The following EPB41L4A variants were observed in gnomAD, a reference collection of about 807,000 sequenced individuals.
The protein encoded by EPB41L4A is band 4.1-like protein 4A.
Under a neutral mutation model 108.6 loss-of-function variants are expected in EPB41L4A, and 100 were observed. The ratio of observed to expected loss-of-function variants is 0.92; its 90% CI spans 0.78 to 1.09. The LOEUF is 1.09. Among genes scored for constraint, EPB41L4A ranks in the 50% least tolerant of loss-of-function variants. The pLI, the probability that EPB41L4A is intolerant of heterozygous loss-of-function variation, is 0.00. For synonymous variants in EPB41L4A, 319 were observed against 289.0 expected, an observed-to-expected ratio of 1.10 and a Z score of -1.05; for missense variants, 1,030 against 842.7, an observed-to-expected ratio of 1.22 and a Z score of -2.75.
In EPB41L4A at chr5:112,201,834, T is replaced by A. The variant is rs17134239; in HGVS notation, c.1376+2541A>T. On this transcript the variant is annotated intron_variant, in intron 15 of 22. Transcript: ENST00000261486. ...AATGAGGGCTATCACTATCTCCACCTTTTTCAGATGTACAGGCTGGGATTC... is the reference window on the plus strand; with the variant it reads ...AATGAGGGCTATCACTATCTCCACCATTTTCAGATGTACAGGCTGGGATTC... Among the ~76,000 whole-genome samples, 611 of 152,268 alleles carry A rather than the reference T, an allele frequency of 4.0e-3. 8 individuals are homozygous for A. The highest frequency in any genetic ancestry group is 0.014 in the African/African-American group (593 of 41,556).
intron 1 of EPB41L4A, among the ~76,000 whole-genome samples, chr5:112,416,122 A>AT (rs1344676530): frequency 6.6e-6 from 1 of 151,730 alleles, no homozygotes; most frequent in African/African-American, 2.4e-5. Flanking sequence ...TGACACATTA[A>AT]TTTTTTTTCT....
At chr5:112,195,131 G>A (rs1012789936) in intron 16 of EPB41L4A, among the ~76,000 whole-genome samples, 3 of 152,050 alleles carry the variant, frequency 2.0e-5, no homozygotes. Flanking sequence ...CCCCTTAACC[G>A]ACTGGTAGCT....
At chr5:112,343,097 T>C (rs1757420017) in intron 1 of EPB41L4A, among the ~76,000 whole-genome samples, 1 of 152,230 alleles carries the variant, frequency 6.6e-6, no homozygotes, top group South Asian at 2.1e-4. Context: ...GACAGTTGGC[T>C]TTACAGAGAG....
At chr5:112,328,459 T>C (rs1203393989) in intron 1 of EPB41L4A, among the ~76,000 whole-genome samples, 1 of 152,222 alleles carries the variant, frequency 6.6e-6, no homozygotes, top group Non-Finnish European at 1.5e-5. Context: ...TTTCCATGGT[T>C]ATATCTAAAC....
At position 112,196,123 on chromosome 5, in the gene EPB41L4A, C is replaced by T. The variant is rs116527831; in HGVS notation, c.1377-415G>A. Among the ~76,000 whole-genome samples the T allele has an allele frequency of 4.8e-3, 731 of 152,240 alleles. 4 individuals carry two copies. The highest frequency in any genetic ancestry group is 5.8e-3 in the Non-Finnish European group (396 of 68,018). ...CTTCAACTCAGCAACCTACCTCATA[C>T]TTACGACTTTATCATCTGTAACCAC... On this transcript the variant is annotated intron_variant, in intron 15 of 22. Coordinates refer to ENST00000261486, the MANE Select transcript of EPB41L4A (RefSeq NM_022140.5).
chr5:112,386,791 G>C (rs567753163), intron 1 of EPB41L4A, among the ~76,000 whole-genome samples: 1 of 152,310 alleles, frequency 6.6e-6, no homozygotes, highest in African/African-American at 2.4e-5. Flanking sequence ...GACACTGGAA[G>C]ACTGAATAGA....
intron 1 of EPB41L4A, among the ~76,000 whole-genome samples, chr5:112,384,233 G>T (rs1383053253): frequency 2.0e-5 from 3 of 152,218 alleles, no homozygotes; most frequent in Non-Finnish European, 4.4e-5. Context: ...TACACCTTCA[G>T]TGGGTAGACT....
At chr5:112,391,573 G>C (rs529284098) in intron 1 of EPB41L4A, among the ~76,000 whole-genome samples, 1 of 152,118 alleles carries the variant, frequency 6.6e-6, no homozygotes, top group Admixed American at 6.6e-5. Flanking sequence ...AAGAAATATG[G>C]GACTATGTGA....
At chr5:112,374,147 T>A (rs1401756292) in intron 1 of EPB41L4A, among the ~76,000 whole-genome samples, 1 of 152,116 alleles carries the variant, frequency 6.6e-6, no homozygotes, top group Non-Finnish European at 1.5e-5. Flanking sequence ...GTCAGAGGCA[T>A]CCCCATGGAA....
At chr5:112,323,021 T>A (rs183875692) in intron 1 of EPB41L4A, among the ~76,000 whole-genome samples, 203 of 132,042 alleles carry the variant, frequency 1.5e-3, no homozygotes, top group African/African-American at 5.2e-3. Flanking sequence ...ATTTCTGAAA[T>A]TAAAGTTTCA....
chr5:112,380,140 G>A (rs1760071306), intron 1 of EPB41L4A, among the ~76,000 whole-genome samples: 1 of 152,124 alleles, frequency 6.6e-6, no homozygotes, highest in South Asian at 2.1e-4. Context: ...CTGCAGGAGT[G>A]AGGGACCACA....
At chr5:112,254,181 A>G (rs1403602054) in intron 9 of EPB41L4A, among the ~76,000 whole-genome samples, 11 of 152,158 alleles carry the variant, frequency 7.2e-5, no homozygotes, top group Non-Finnish European at 1.2e-4. Flanking sequence ...ACTACATGCC[A>G]ATTTCTGGGC....
chr5:112,383,607 A>ATTGT (rs1760306970), intron 1 of EPB41L4A, among the ~76,000 whole-genome samples: 1 of 152,224 alleles, frequency 6.6e-6, no homozygotes, highest in Admixed American at 6.5e-5. Context: ...ACACAAGGGA[A>ATTGT]CTACTAATAA....
chr5:112,309,048 C>T (rs181510808), intron 1 of EPB41L4A, among the ~76,000 whole-genome samples: 17 of 152,262 alleles, frequency 1.1e-4, no homozygotes, highest in African/African-American at 3.6e-4. Flanking sequence ...CTCCTAAGTA[C>T]TTCTAAATAC....
intron 12 of EPB41L4A, among the ~76,000 whole-genome samples, chr5:112,212,536 C>T (rs1174778320): frequency 6.6e-6 from 1 of 152,156 alleles, no homozygotes; most frequent in African/African-American, 2.4e-5. Context: ...CTCAAGTGAT[C>T]CACCCACCTT....
At chr5:112,251,975 A>G (rs2150411925) in intron 9 of EPB41L4A, among the ~76,000 whole-genome samples, 1 of 152,286 alleles carries the variant, frequency 6.6e-6, no homozygotes, top group Admixed American at 6.5e-5. Context: ...ACAGCAAACA[A>G]TTGTCCACTT....
chr5:112,218,937 C>G (rs1747839602), intron 12 of EPB41L4A, among the ~76,000 whole-genome samples: 1 of 152,112 alleles, frequency 6.6e-6, no homozygotes, highest in Non-Finnish European at 1.5e-5. Flanking sequence ...ACATTAAAAA[C>G]TAGAACTGTT....
intron 17 of EPB41L4A, among the ~76,000 whole-genome samples, chr5:112,186,652 G>A (rs560779198): frequency 6.6e-6 from 1 of 152,194 alleles, no homozygotes; most frequent in Non-Finnish European, 1.5e-5. Context: ...AGAGCCTTTG[G>A]AGAGTCACAA....
chr5:112,174,001 CCTAAAAGATTGAAGAGTTTAGT>C (rs1181584213), intron 18 of EPB41L4A, among the ~76,000 whole-genome samples: 1 of 152,134 alleles, frequency 6.6e-6, no homozygotes, highest in African/African-American at 2.4e-5. Flanking sequence ...TAACATTGGT[CCTAAAAGATTGAAGAGTTTAGT>C]CTTTATTTTT....
Sources: allele counts gnomAD v4.1 joint callset (sites outside exome capture counted in the v4.1 genomes callset), GRCh38; gene constraint gnomAD v4.1.1; transcripts MANE v1.5; gene names NCBI Gene and HGNC (gene_info 2026-07-23, HGNC 2026-07-21).